The following DBF4 variants were observed in gnomAD, a reference collection of about 807,000 sequenced individuals.
The protein encoded by DBF4 is protein DBF4 homolog A.
Under a neutral mutation model 76.6 loss-of-function variants are expected in DBF4, and 25 were observed. The observed-to-expected ratio is 0.33, with a 90% confidence interval of 0.24 to 0.46. The LOEUF is 0.46. Ranked by LOEUF, DBF4 falls within the 20% of genes least tolerant of loss-of-function variation. The pLI, the probability that DBF4 is intolerant of heterozygous loss-of-function variation, is 1.00. For missense variants in DBF4, 638 were observed against 760.8 expected (o/e 0.84, Z 1.90); for synonymous variants, 213 against 258.0 (o/e 0.83, Z 1.67).
intron 11 of DBF4, among the ~76,000 whole-genome samples, chr7:87,905,770 A>C (rs995718986): frequency 2.0e-5 from 3 of 152,236 alleles, no homozygotes; most frequent in South Asian, 4.1e-4. Context: ...CAGGTAAAAC[A>C]GTTCTTAAAT....
rs185073537 is a variant in DBF4, at chr7:87,906,624, A to G, written c.1050-564A>G. ...ATATGTTTGAAGCTTAAAAGTTACA[A>G]CTTTGTCACCTTTGAAAGTATAAAG... On this transcript the variant is annotated intron_variant, in intron 11 of 11. Transcript: ENST00000265728. 3.9e-5 allele frequency among the ~76,000 whole-genome samples: 6 copies of G among 152,290 alleles called. No homozygotes were observed. The East Asian group carries it at 1.2e-3, about 29-fold the overall frequency.
At chr7:87,900,928 T>C in intron 10 of DBF4, 50 bp downstream of exon 10, 1 of 1,438,450 alleles carries the variant, frequency 7.0e-7, no homozygotes, top group East Asian at 2.3e-5. Flanking sequence ...CTGTAATACT[T>C]GTGTTTTAAA....
At chr7:87,884,082 C>T (rs999749473) in intron 2 of DBF4, among the ~76,000 whole-genome samples, 2 of 152,160 alleles carry the variant, frequency 1.3e-5, no homozygotes, top group African/African-American at 2.4e-5. Flanking sequence ...AACAGTCTTA[C>T]ACTCTTAAGC....
chr7:87,896,617 C>A (rs1839646037), intron 7 of DBF4, 107 bp downstream of exon 7: 1 of 999,382 alleles, frequency 1.0e-6, no homozygotes, highest in Non-Finnish European at 1.5e-6. Flanking sequence ...TCAAGGCTTT[C>A]TTCGTCTTTA....
chr7:87,900,621 A>G, intron 9 of DBF4, 143 bp from the exon 10 acceptor site: 4 of 714,494 alleles, frequency 5.6e-6, no homozygotes, highest in Non-Finnish European at 9.1e-6. Context: ...TCAATATAGT[A>G]TAAAGAAATA....
Position 87,885,169 on chromosome 7 carries a change from T to A in DBF4, c.399+11T>A, listed in dbSNP as rs778612553. The A allele has an allele frequency of 2.0e-5, 32 of 1,583,922 alleles. No homozygotes were observed. In the Admixed American group the frequency reaches 5.7e-4, roughly 28 times the overall value. On this transcript the variant is annotated intron_variant, in intron 3 of 11. Coordinates refer to ENST00000265728, the MANE Select transcript of DBF4 (RefSeq NM_006716.4). ...AAGTCACCAGACACAGTAAGTCTCT[T>A]AAATATGCTTTGAGACTCAGAAGGG...
In DBF4 at chr7:87,900,894, T is replaced by C. The variant is rs1839767483; in HGVS notation, c.924+16T>C. 1.3e-6 allele frequency: 2 copies of C among 1,597,382 alleles called. No homozygotes were observed. The highest frequency in any genetic ancestry group is 1.7e-6 in the Non-Finnish European group (2 of 1,168,074). On this transcript the variant is annotated intron_variant, in intron 10 of 11. Coordinates refer to ENST00000265728, the MANE Select transcript of DBF4 (RefSeq NM_006716.4). Reference sequence around the variant, plus strand: ...TCTAGAAACTGTAAATGTGATTTTATATTTTGGGGGCTTGTTTCGAAAACT... The same window carrying C: ...TCTAGAAACTGTAAATGTGATTTTACATTTTGGGGGCTTGTTTCGAAAACT...
intron 7 of DBF4, among the ~76,000 whole-genome samples, chr7:87,897,028 G>C (rs1839658840): frequency 6.6e-6 from 1 of 152,186 alleles, no homozygotes; most frequent in African/African-American, 2.4e-5. Context: ...CAATAGTGTA[G>C]TTTTTCTCCT....
At position 87,907,318 on chromosome 7, in the gene DBF4, GAGC is replaced by G; in HGVS notation, c.1183_1185del (p.Gln395del). On this transcript the variant is annotated inframe_deletion, in exon 12 of 12. Coordinates refer to ENST00000265728, the MANE Select transcript of DBF4 (RefSeq NM_006716.4). ...CCAGGAAGATGATACAACAGTGAAG[GAGC>G]AGAATTTCCTGTATAAAGAGACCCA... 6.2e-7 allele frequency: 1 copy of G among 1,613,966 alleles called. No individual in the cohort carries two copies. Among genetic ancestry groups the G allele is most frequent in the African/African-American group, 1.3e-5 (1 of 75,024 alleles).
intron 10 of DBF4, among the ~76,000 whole-genome samples, chr7:87,902,773 T>C (rs1215493545): frequency 1.3e-5 from 2 of 152,222 alleles, no homozygotes; most frequent in African/African-American, 4.8e-5. Context: ...ACTGGGCATA[T>C]ATAATTTGTA....
intron 6 of DBF4, among the ~76,000 whole-genome samples, chr7:87,888,716 C>T (rs1490471436): frequency 6.6e-6 from 1 of 152,192 alleles, no homozygotes; most frequent in African/African-American, 2.4e-5. Flanking sequence ...TTATACTTCC[C>T]ATTCACTTTT....
chr7:87,887,713 CTCTT>C (rs1412599264), intron 5 of DBF4, among the ~76,000 whole-genome samples: 2 of 152,174 alleles, frequency 1.3e-5, no homozygotes, highest in Admixed American at 6.5e-5. Flanking sequence ...GCTCAGGTCT[CTCTT>C]TCTCTTTTTA....
rs977143382 is a variant in DBF4 at position 87,876,511 on chromosome 7, G to A, written c.-222G>A. The A allele has an allele frequency of 3.7e-6, 2 of 547,758 alleles. No homozygotes were observed. Among genetic ancestry groups the A allele is most frequent in the Non-Finnish European group, 6.6e-6 (2 of 304,628 alleles). 33.9% of individuals were successfully genotyped at this position (547,758 alleles called of 1,614,324 possible). A position where few individuals can be genotyped will look rare whatever the true frequency, so the allele number is the denominator to read the frequency against. ...CGTTTTCAAATCTTCAACCGCCGCA[G>A]CCCACTCGTTTGTGCTTTGCGCCTT... is the stretch of plus-strand genomic sequence containing the variant. On this transcript the variant is annotated 5_prime_UTR_variant, in exon 1 of 12. Transcript: ENST00000265728.
rs545841871 is a variant in DBF4 at position 87,909,434 on chromosome 7, A to G, written c.*1271A>G. 1 of 152,178 alleles carries G rather than the reference A, an allele frequency of 6.6e-6. No homozygotes were observed. The allele number at this position is 152,178 out of a possible 1,614,324, so 9.4% of individuals were successfully genotyped here. A position where few individuals can be genotyped will look rare whatever the true frequency, so the allele number is the denominator to read the frequency against. On this transcript the variant is annotated 3_prime_UTR_variant, in exon 12 of 12. Coordinates refer to ENST00000265728, the MANE Select transcript of DBF4 (RefSeq NM_006716.4). ...GGACTAATTCATATGCTTTTCCTGC[A>G]TACATTATTTTGATCATTTGGATAA...
At chr7:87,902,385 CAT>C (rs1839809391) in intron 10 of DBF4, among the ~76,000 whole-genome samples, 1 of 151,978 alleles carries the variant, frequency 6.6e-6, no homozygotes, top group Non-Finnish European at 1.5e-5. Flanking sequence ...TTAATTAACA[CAT>C]ATTTTTGAGT....
At chr7:87,903,269 G>A (rs1352022486) in intron 10 of DBF4, among the ~76,000 whole-genome samples, 2 of 152,052 alleles carry the variant, frequency 1.3e-5, no homozygotes, top group African/African-American at 4.8e-5. Flanking sequence ...TAGTAGAGAC[G>A]GGATTTCACC....
At chr7:87,896,618 T>G in intron 7 of DBF4, 108 bp downstream of exon 7, 1 of 970,568 alleles carries the variant, frequency 1.0e-6, no homozygotes, top group Non-Finnish European at 1.6e-6. Context: ...CAAGGCTTTC[T>G]TCGTCTTTAT....
chr7:87,887,948 T>G (rs770620200), intron 5 of DBF4, 35 bp from the exon 6 acceptor site: 1 of 1,490,890 alleles, frequency 6.7e-7, no homozygotes, highest in South Asian at 1.3e-5. Context: ...AAGAGTAAAA[T>G]TGCTAATCTT....
chr7:87,908,342 C>G lies in DBF4; in HGVS notation c.*179C>G, dbSNP rs1385923021. Reference sequence around the variant, plus strand: ...TTGAATACCTGTTAAAGAAAAATTACAGAATAAACTTGTGACTGGTCTTGT... The same window carrying G: ...TTGAATACCTGTTAAAGAAAAATTAGAGAATAAACTTGTGACTGGTCTTGT... On this transcript the variant is annotated 3_prime_UTR_variant, in exon 12 of 12. Transcript: ENST00000265728. 1 of 532,832 alleles carries G rather than the reference C, an allele frequency of 1.9e-6. No individual in the cohort carries two copies. The highest frequency in any genetic ancestry group is 2.9e-6 in the Non-Finnish European group (1 of 342,166). 33.0% of individuals were successfully genotyped at this position (532,832 alleles called of 1,614,324 possible). A position where few individuals can be genotyped will look rare whatever the true frequency, so the allele number is the denominator to read the frequency against.
Sources: allele counts gnomAD v4.1 joint callset (sites outside exome capture counted in the v4.1 genomes callset), GRCh38; gene constraint gnomAD v4.1.1; transcripts MANE v1.5; gene names NCBI Gene and HGNC (gene_info 2026-07-23, HGNC 2026-07-21).